CRIM1: variants seen among roughly 807,000 people sequenced by gnomAD.
The protein encoded by CRIM1 is cysteine rich transmembrane BMP regulator 1.
In CRIM1, 32 loss-of-function variants were observed where a neutral mutation model predicts 116.4. That is an observed-to-expected ratio of 0.27 (90% CI 0.21 to 0.37). The LOEUF (loss-of-function observed/expected upper bound fraction) is 0.37. CRIM1 is among the 10% of genes least tolerant of loss of function. The pLI is 1.00. For missense variants in CRIM1, 1,331 were observed against 1,354.8 expected, an observed-to-expected ratio of 0.98 and a Z score of 0.28; for synonymous variants, 590 against 509.2, an observed-to-expected ratio of 1.16 and a Z score of -2.13.
rs371784720 is a variant in CRIM1 at position 36,356,637 on chromosome 2, C to G, written c.331+14C>G. The G allele has an allele frequency of 2.5e-6, 4 of 1,598,130 alleles. No homozygotes were observed. ...GCGTTTGCGAAGGTACGGCCGCCCG[C>G]TGCGGGCCCCCTCCCACCTGGCCTG... On this transcript the variant is annotated intron_variant, in intron 1 of 16. Transcript: ENST00000280527. The surrounding 1 kb of genome is among the most constrained non-coding windows in gnomAD (Gnocchi z 4.3).
intron 7 of CRIM1, among the ~76,000 whole-genome samples, chr2:36,484,869 C>T (rs1478761320): frequency 2.0e-5 from 3 of 152,144 alleles, no homozygotes; most frequent in African/African-American, 7.2e-5. Context: ...TCCGTGCTAG[C>T]GGTTGGGCAA....
intron 2 of CRIM1, among the ~76,000 whole-genome samples, chr2:36,423,966 G>C (rs942119803): frequency 2.0e-5 from 3 of 152,258 alleles, no homozygotes; most frequent in South Asian, 4.1e-4. Flanking sequence ...AGGCAGACAG[G>C]TACGTAGGTA....
intron 7 of CRIM1, among the ~76,000 whole-genome samples, chr2:36,488,872 G>T (rs922774577): frequency 2.6e-5 from 4 of 152,160 alleles, no homozygotes; most frequent in Admixed American, 2.6e-4. Context: ...CCAAGTACTT[G>T]ATCCTTGTGG....
rs2125121214 is a variant in CRIM1, at chr2:36,517,363, C to T, written c.2027C>T (p.Pro676Leu). The change falls in exon 12 of 17, where the codon CCC becomes CTC. Residue 676 changes from proline (P) to leucine (L), a missense_variant. Pro to Leu is a moderately conservative substitution (Grantham distance 98). Transcript: ENST00000280527. ...GTGCAGAAGCCAGAGCTCAGTACTC[C>T]CTCCATTTGCCACGCCCCTGGAGGA... ...FVVQKPELST[P>L]SICHAPGGEY... 1 of 1,614,190 alleles carries T rather than the reference C, an allele frequency of 6.2e-7. No homozygotes were observed. Among genetic ancestry groups the T allele is most frequent in the African/African-American group, 1.3e-5 (1 of 75,054 alleles).
chr2:36,532,215 G>A (rs550425359), intron 13 of CRIM1, among the ~76,000 whole-genome samples: 1 of 152,364 alleles, frequency 6.6e-6, no homozygotes, highest in East Asian at 1.9e-4. Context: ...AGCAGCGGCA[G>A]TACCATTGGA....
At chr2:36,502,836 A>G (rs1304833887) in intron 8 of CRIM1, among the ~76,000 whole-genome samples, 1 of 152,182 alleles carries the variant, frequency 6.6e-6, no homozygotes, top group Non-Finnish European at 1.5e-5. Context: ...ATAAAAAGGA[A>G]ACCTTCAGGA....
In CRIM1 at chr2:36,356,869, C is replaced by T. The variant is rs1473078508; in HGVS notation, c.331+246C>T. Among the ~76,000 whole-genome samples the T allele has an allele frequency of 1.3e-5, 2 of 152,138 alleles. No individual in the cohort carries two copies. Among genetic ancestry groups the T allele is most frequent in the Non-Finnish European group, 2.9e-5 (2 of 68,004 alleles). On this transcript the variant is annotated intron_variant, in intron 1 of 16. Transcript: ENST00000280527. This position sits in a 1 kb window ranked among gnomAD's most constrained non-coding sequence, Gnocchi z 4.3. ...TGGGGGCGAGCGAGTGGAGGATCGC[C>T]CCTGTCCCCGCGCAGACGCGCACAC...
intron 2 of CRIM1, among the ~76,000 whole-genome samples, chr2:36,422,698 A>G (rs919534950): frequency 3.9e-5 from 6 of 152,234 alleles, no homozygotes; most frequent in Non-Finnish European, 8.8e-5. Flanking sequence ...AGCTTCATGA[A>G]TTAAATTCCC....
At chr2:36,386,121 G>C (rs1671146159) in intron 1 of CRIM1, among the ~76,000 whole-genome samples, 1 of 152,052 alleles carries the variant, frequency 6.6e-6, no homozygotes. Context: ...TTTACTCTTG[G>C]TGATTTGACT....
At chr2:36,537,634 A>T (rs1296115276) in intron 14 of CRIM1, 88 bp downstream of exon 14, 11 of 1,375,260 alleles carry the variant, frequency 8.0e-6, no homozygotes, top group Admixed American at 7.6e-5. Flanking sequence ...CCCTTCTTTC[A>T]TTCGTTCACA....
At chr2:36,394,103 A>G (rs1432042306) in intron 1 of CRIM1, among the ~76,000 whole-genome samples, 1 of 152,118 alleles carries the variant, frequency 6.6e-6, no homozygotes, top group African/African-American at 2.4e-5. Flanking sequence ...GAATGGTGGG[A>G]AGGGATGTTT....
At chr2:36,535,066 T>C (rs898083839) in intron 13 of CRIM1, among the ~76,000 whole-genome samples, 1 of 144,114 alleles carries the variant, frequency 6.9e-6, no homozygotes, top group African/African-American at 2.6e-5. Context: ...ATTATTCTCA[T>C]GTGTATGGAG....
At chr2:36,444,557 C>T (rs1283132346) in intron 4 of CRIM1, among the ~76,000 whole-genome samples, 1 of 152,194 alleles carries the variant, frequency 6.6e-6, no homozygotes, top group Non-Finnish European at 1.5e-5. Flanking sequence ...ATTTTGACTT[C>T]AGCATTCAAA....
chr2:36,481,013 G>C (rs1679376093), intron 7 of CRIM1, among the ~76,000 whole-genome samples: 1 of 152,202 alleles, frequency 6.6e-6, no homozygotes, highest in African/African-American at 2.4e-5. Flanking sequence ...GGGACAATCT[G>C]TTGCCAACTT....
Position 36,476,953 on chromosome 2 carries a change from C to G in CRIM1, c.1056C>G (p.Asp352Glu), listed in dbSNP as rs772963951. The G allele has an allele frequency of 5.0e-6, 8 of 1,613,990 alleles. No homozygotes were observed. Among genetic ancestry groups the G allele is most frequent in the Non-Finnish European group, 6.8e-6 (8 of 1,179,870 alleles). The change falls in exon 6 of 17, where the codon GAC (aspartate) becomes GAG (glutamate). Residue 352 changes from aspartate (D) to glutamate (E), a missense_variant. Physicochemically the swap from Asp to Glu is conservative, Grantham distance 45. Around this residue, in one of 3 missense-constraint regions of CRIM1, gnomAD observed 690 missense variants for 676.0 expected, o/e 1.02. Coordinates refer to ENST00000280527, the MANE Select transcript of CRIM1 (RefSeq NM_016441.3). The stretch of plus-strand genomic sequence containing the variant: ...ATGATGGAGACATGTTTCGAATGGA[C>G]AACTGTCGGTTCTGTCGATGCCAAG... ...EYYDGDMFRM[D>E]NCRFCRCQGG... is the part of the protein sequence containing the mutation.
At chr2:36,421,714 A>G (rs1026445761) in intron 2 of CRIM1, among the ~76,000 whole-genome samples, 4 of 152,232 alleles carry the variant, frequency 2.6e-5, no homozygotes, top group African/African-American at 9.6e-5. Context: ...CTCTTTTCAC[A>G]GCCATTACCT....
At chr2:36,473,693 C>T (rs1678724567) in intron 5 of CRIM1, among the ~76,000 whole-genome samples, 1 of 152,098 alleles carries the variant, frequency 6.6e-6, no homozygotes, top group Non-Finnish European at 1.5e-5. Flanking sequence ...TGTTATATTG[C>T]ATATCAGAAC....
intron 7 of CRIM1, among the ~76,000 whole-genome samples, chr2:36,483,450 A>C (rs1253718406): frequency 2.0e-5 from 3 of 152,214 alleles, no homozygotes; most frequent in Admixed American, 6.5e-5. Context: ...TGAGATCCTC[A>C]CAGCATCCCT....
intron 5 of CRIM1, among the ~76,000 whole-genome samples, chr2:36,470,100 C>T (rs909326532): frequency 6.6e-6 from 1 of 152,170 alleles, no homozygotes; most frequent in Non-Finnish European, 1.5e-5. Context: ...AAGAACATGT[C>T]ATCAGTATAA....
Sources: gnomAD v4.1 joint callset for allele counts (sites outside exome capture counted in the v4.1 genomes callset) on GRCh38, gnomAD v4.1.1 for gene constraint, gnomAD v4.1.1 regional missense constraint, Gnocchi (gnomAD v3.1) non-coding constraint, MANE v1.5 for transcripts, NCBI Gene and HGNC (gene_info 2026-07-23, HGNC 2026-07-21) for gene names.